Variants in COL19A1 observed in about 807,000 individuals in gnomAD.
COL19A1 encodes collagen alpha-1(XIX) chain.
In COL19A1, 159 loss-of-function variants were observed where a neutral mutation model predicts 190.2. The observed-to-expected ratio is 0.84, with a 90% confidence interval of 0.73 to 0.95. The LOEUF (loss-of-function observed/expected upper bound fraction) is 0.95, where lower values mean the gene tolerates loss of function less well. Ranked by LOEUF, COL19A1 falls within the 40% of genes least tolerant of loss-of-function variation. The pLI is 0.00. For missense variants in COL19A1, 1,418 were observed against 1,431.9 expected (o/e 0.99, Z 0.16); for synonymous variants, 509 against 458.9 (o/e 1.11, Z -1.39).
chr6:70,172,904 G>A (rs900655735), intron 41 of COL19A1, among the ~76,000 whole-genome samples: 1 of 152,170 alleles, frequency 6.6e-6, no homozygotes, highest in Non-Finnish European at 1.5e-5. Context: ...CAGTAATCCA[G>A]GTGCCAGGTG....
intron 11 of COL19A1, among the ~76,000 whole-genome samples, chr6:70,000,516 C>T (rs2150083568): frequency 6.6e-6 from 1 of 152,290 alleles, no homozygotes; most frequent in African/African-American, 2.4e-5. Flanking sequence ...TTCTCCACAG[C>T]CTCACCAGCA....
At chr6:69,928,100 C>A in intron 5 of COL19A1, 68 bp downstream of exon 5, 1 of 1,571,640 alleles carries the variant, frequency 6.4e-7, no homozygotes, top group Non-Finnish European at 8.7e-7. Flanking sequence ...ATTATTTGAA[C>A]TGGTGCACAA....
At chr6:69,998,287 A>G (rs187804423) in intron 11 of COL19A1, among the ~76,000 whole-genome samples, 6 of 152,184 alleles carry the variant, frequency 3.9e-5, no homozygotes, top group African/African-American at 1.4e-4. Flanking sequence ...TTATTTATTT[A>G]TTTATTTATT....
chr6:69,873,015 T>G (rs773205592), intron 1 of COL19A1, among the ~76,000 whole-genome samples: 5 of 152,210 alleles, frequency 3.3e-5, no homozygotes, highest in Non-Finnish European at 5.9e-5. Context: ...ATCCCAGGCT[T>G]TGGGATTATT....
chr6:69,961,258 A>G (rs993146857), intron 10 of COL19A1, among the ~76,000 whole-genome samples: 1 of 152,228 alleles, frequency 6.6e-6, no homozygotes, highest in Non-Finnish European at 1.5e-5. Context: ...ATTTATAGTT[A>G]CAGATTGTGT....
At chr6:69,911,922 A>G (rs913707279) in intron 4 of COL19A1, among the ~76,000 whole-genome samples, 1 of 152,212 alleles carries the variant, frequency 6.6e-6, no homozygotes, top group South Asian at 2.1e-4. Flanking sequence ...TAAAGGAACA[A>G]TGTTACTGTC....
intron 14 of COL19A1, among the ~76,000 whole-genome samples, chr6:70,054,331 CAA>C (rs1302301374): frequency 2.4e-4 from 37 of 152,152 alleles, no homozygotes; most frequent in Non-Finnish European, 4.4e-5. Flanking sequence ...GACTGGGTGA[CAA>C]GAGCGAAACT....
chr6:69,946,781 CTT>C (rs1773841516), intron 9 of COL19A1, among the ~76,000 whole-genome samples: 1 of 151,828 alleles, frequency 6.6e-6, no homozygotes, highest in African/African-American at 2.4e-5. Context: ...ATGGTTTACT[CTT>C]TGATCAAAAT....
chr6:70,131,515 T>G (rs1276307969), intron 18 of COL19A1, among the ~76,000 whole-genome samples: 1 of 152,220 alleles, frequency 6.6e-6, no homozygotes, highest in Non-Finnish European at 1.5e-5. Context: ...CAAAAATTGA[T>G]TATACAGCAA....
intron 15 of COL19A1, among the ~76,000 whole-genome samples, chr6:70,082,486 C>T (rs1782314086): frequency 1.3e-5 from 2 of 151,946 alleles, no homozygotes; most frequent in African/African-American, 4.8e-5. Context: ...GATCTTGGCT[C>T]ACTGCAACCT....
intron 14 of COL19A1, among the ~76,000 whole-genome samples, chr6:70,057,131 C>A (rs1292452272): frequency 6.6e-6 from 1 of 152,148 alleles, no homozygotes; most frequent in Admixed American, 6.6e-5. Flanking sequence ...CTTCTGTCTG[C>A]AGTAGAACCA....
In COL19A1 at chr6:70,115,170, A is replaced by G. The variant is rs533100640; in HGVS notation, c.1279-6710A>G. 8.8e-4 allele frequency among the ~76,000 whole-genome samples: 134 copies of G among 152,258 alleles called. 1 individual carries two copies. Among genetic ancestry groups the G allele is most frequent in the Admixed American group, 4.7e-3 (72 of 15,280 alleles). ...TGTCTTCTCCTGTCCTTAGCCCCCAAGGGCCATCCCTTTATTCTTCTCCTT... is the reference window on the plus strand; with the variant it reads ...TGTCTTCTCCTGTCCTTAGCCCCCAGGGGCCATCCCTTTATTCTTCTCCTT... On this transcript the variant is annotated intron_variant, in intron 16 of 50. Transcript: ENST00000620364.
intron 4 of COL19A1, among the ~76,000 whole-genome samples, chr6:69,919,764 G>T (rs1771570941): frequency 6.6e-6 from 1 of 152,064 alleles, no homozygotes; most frequent in South Asian, 2.1e-4. Flanking sequence ...AAGTAAATGG[G>T]TGAAATATTG....
In COL19A1 at chr6:69,903,559, A is replaced by G. The variant is rs544699244; in HGVS notation, c.266+3221A>G. On this transcript the variant is annotated intron_variant, in intron 4 of 50. Transcript: ENST00000620364. ...CTTTTATGAGCCTGAAGGGCAGCAT[A>G]CGCACTTACTAACTGCTTCCCAGTC... 7.2e-5 allele frequency among the ~76,000 whole-genome samples: 11 copies of G among 152,310 alleles called. No homozygotes were observed. In the South Asian group the frequency reaches 1.9e-3, roughly 26 times the overall value.
chr6:69,887,303 C>T (rs1291901724), intron 2 of COL19A1, among the ~76,000 whole-genome samples: 1 of 152,150 alleles, frequency 6.6e-6, no homozygotes, highest in African/African-American at 2.4e-5. Context: ...TACATAGTCA[C>T]TCGTAGTCAT....
intron 47 of COL19A1, 149 bp from the exon 48 acceptor site, chr6:70,190,166 A>G (rs918522296): frequency 4.7e-6 from 3 of 631,892 alleles, no homozygotes; most frequent in African/African-American, 1.9e-5. Context: ...ACAGATATTT[A>G]TTGCCCAATA....
At chr6:69,940,458 T>C (rs1773399928) in intron 9 of COL19A1, among the ~76,000 whole-genome samples, 1 of 152,014 alleles carries the variant, frequency 6.6e-6, no homozygotes, top group African/African-American at 2.4e-5. Context: ...CTAAAACCAG[T>C]AGAAAAGAAC....
intron 1 of COL19A1, among the ~76,000 whole-genome samples, chr6:69,875,997 T>G (rs1419561019): frequency 6.6e-6 from 1 of 151,968 alleles, no homozygotes; most frequent in Non-Finnish European, 1.5e-5. Context: ...TGAGAATATT[T>G]AAAAGGAAAT....
At chr6:70,123,776 A>C (rs1414273542) in intron 17 of COL19A1, among the ~76,000 whole-genome samples, 2 of 143,222 alleles carry the variant, frequency 1.4e-5, no homozygotes. Context: ...ACACATGGAC[A>C]CAGGAAGGGG....
Sources: gnomAD v4.1 joint callset for allele counts (sites outside exome capture counted in the v4.1 genomes callset) on GRCh38, gnomAD v4.1.1 for gene constraint, MANE v1.5 for transcripts, NCBI Gene and HGNC (gene_info 2026-07-23, HGNC 2026-07-21) for gene names.